The following CTNND2 variants were observed in gnomAD, a reference collection of about 807,000 sequenced individuals.
CTNND2 encodes the protein catenin delta-2.
CTNND2 carries 22 observed loss-of-function variants against 144.4 expected under a neutral mutation model. The ratio of observed to expected loss-of-function variants is 0.15; its 90% confidence interval spans 0.11 to 0.22. The LOEUF (loss-of-function observed/expected upper bound fraction) is 0.22, where lower values mean the gene tolerates loss of function less well. Ranked by LOEUF, CTNND2 falls within the 10% of genes least tolerant of loss-of-function variation. The pLI, the probability that CTNND2 is intolerant of heterozygous loss-of-function variation, is 1.00. For missense variants in CTNND2, 1,353 were observed against 1,618.8 expected (o/e 0.84, Z 2.82); for synonymous variants, 751 against 695.6 (o/e 1.08, Z -1.25).
intron 3 of CTNND2, among the ~76,000 whole-genome samples, chr5:11,539,786 C>G (rs564290195): frequency 6.6e-6 from 1 of 152,300 alleles, no homozygotes; most frequent in East Asian, 1.9e-4. Flanking sequence ...GTAATCCCAG[C>G]ACTTTGGGAG....
Position 11,190,228 on chromosome 5 carries a change from G to A in CTNND2, c.1975+9220C>T, listed in dbSNP as rs576659561. Among the ~76,000 whole-genome samples, 4 of 152,306 alleles carry A rather than the reference G, an allele frequency of 2.6e-5. No homozygotes were observed. In the East Asian group the frequency reaches 5.8e-4, roughly 22 times the overall value. The stretch of plus-strand genomic sequence containing the variant: ...CTTACTGCGAATGGAGCACAATTAT[G>A]TAACACTGGACTCTCCCAGCCCCTC... On this transcript the variant is annotated intron_variant, in intron 11 of 21. Transcript: ENST00000304623.
chr5:11,600,705 CAAAAAA>C (rs755277116), intron 2 of CTNND2, among the ~76,000 whole-genome samples: 4 of 80,606 alleles, frequency 5.0e-5, no homozygotes, highest in Non-Finnish European at 9.4e-5. Flanking sequence ...GATTCTGTCT[CAAAAAA>C]AAAAAAAAAA....
intron 1 of CTNND2, among the ~76,000 whole-genome samples, chr5:11,896,057 C>A (rs1401797128): frequency 6.6e-6 from 1 of 152,026 alleles, no homozygotes; most frequent in Non-Finnish European, 1.5e-5. Context: ...TATCAACAAC[C>A]TTGAAAACAT....
At position 11,516,947 on chromosome 5, in the gene CTNND2, C is replaced by A. The variant is rs369110329; in HGVS notation, c.287+47997G>T. 3.3e-5 allele frequency among the ~76,000 whole-genome samples: 5 copies of A among 152,154 alleles called. No individual in the cohort carries two copies. In the East Asian group the frequency reaches 9.6e-4, roughly 29 times the overall value. On this transcript the variant is annotated intron_variant, in intron 3 of 21. Coordinates refer to ENST00000304623, the MANE Select transcript of CTNND2 (RefSeq NM_001332.4). ...AAATTTGTAGTTGTTTATGTAGTTA[C>A]TACCATATGTTTATGTAGTTACTAC...
intron 1 of CTNND2, among the ~76,000 whole-genome samples, chr5:11,826,838 A>T (rs1344703353): frequency 2.0e-5 from 3 of 152,054 alleles, no homozygotes; most frequent in African/African-American, 7.2e-5. Context: ...AAAAATGTAT[A>T]TAATTCAAAG....
chr5:11,461,996 C>T (rs1766264843), intron 3 of CTNND2, among the ~76,000 whole-genome samples: 1 of 151,900 alleles, frequency 6.6e-6, no homozygotes, highest in Admixed American at 6.6e-5. Context: ...TGACAAAATA[C>T]CATCGAGGAG....
At chr5:11,318,853 C>G (rs1236321187) in intron 9 of CTNND2, among the ~76,000 whole-genome samples, 1 of 152,020 alleles carries the variant, frequency 6.6e-6, no homozygotes, top group Non-Finnish European at 1.5e-5. Context: ...ACACATGCAA[C>G]CACTCTAGGT....
chr5:11,235,788 G>C (rs1741565646), intron 10 of CTNND2, among the ~76,000 whole-genome samples: 1 of 152,152 alleles, frequency 6.6e-6, no homozygotes, highest in Non-Finnish European at 1.5e-5. Context: ...CAGGGGAAGA[G>C]AGATGGAAAA....
At chr5:11,415,174 C>T (rs1224323213) in intron 3 of CTNND2, among the ~76,000 whole-genome samples, 1 of 152,178 alleles carries the variant, frequency 6.6e-6, no homozygotes, top group Non-Finnish European at 1.5e-5. Context: ...CCGCTTTCTA[C>T]AATGGTTGCA....
chr5:11,484,438 T>C (rs1301512693), intron 3 of CTNND2, among the ~76,000 whole-genome samples: 1 of 152,206 alleles, frequency 6.6e-6, no homozygotes, highest in Non-Finnish European at 1.5e-5. Context: ...GAAAGGGTCA[T>C]TCTGTCACAT....
At chr5:11,118,943 A>G (rs1392406685) in intron 12 of CTNND2, among the ~76,000 whole-genome samples, 1 of 152,136 alleles carries the variant, frequency 6.6e-6, no homozygotes, top group Non-Finnish European at 1.5e-5. Context: ...TGAGGAATCA[A>G]TCTATTTGCA....
At chr5:11,566,917 C>T (rs1210889081) in intron 2 of CTNND2, among the ~76,000 whole-genome samples, 2 of 151,958 alleles carry the variant, frequency 1.3e-5, no homozygotes, top group South Asian at 2.1e-4. Context: ...TTGCATCTGG[C>T]TTTATTTTCC....
intron 3 of CTNND2, among the ~76,000 whole-genome samples, chr5:11,426,659 G>A (rs1227230927): frequency 6.6e-6 from 1 of 152,190 alleles, no homozygotes; most frequent in Non-Finnish European, 1.5e-5. Context: ...GTTTATGACT[G>A]AGTAAGCAGG....
intron 9 of CTNND2, among the ~76,000 whole-genome samples, chr5:11,280,122 T>G (rs1422865305): frequency 1.3e-5 from 2 of 152,132 alleles, no homozygotes; most frequent in African/African-American, 4.8e-5. Flanking sequence ...GGTCTTAAAT[T>G]GTGTAATTTG....
At chr5:11,265,958 C>A (rs916198445) in intron 9 of CTNND2, among the ~76,000 whole-genome samples, 4 of 152,058 alleles carry the variant, frequency 2.6e-5, no homozygotes, top group South Asian at 2.1e-4. Context: ...GATCTGCCCA[C>A]CTCAGCCTCC....
At chr5:11,171,801 C>A (rs940491002) in intron 11 of CTNND2, among the ~76,000 whole-genome samples, 1 of 152,038 alleles carries the variant, frequency 6.6e-6, no homozygotes, top group Non-Finnish European at 1.5e-5. Flanking sequence ...TCTTCACTGG[C>A]CCCTGAAGAA....
At chr5:11,299,398 C>A (rs1182935447) in intron 9 of CTNND2, among the ~76,000 whole-genome samples, 7 of 152,048 alleles carry the variant, frequency 4.6e-5, no homozygotes, top group African/African-American at 1.7e-4. Flanking sequence ...AGAGTCTCAC[C>A]CAAGGTTACA....
At chr5:11,706,285 C>T (rs1785688976) in intron 2 of CTNND2, among the ~76,000 whole-genome samples, 1 of 152,082 alleles carries the variant, frequency 6.6e-6, no homozygotes, top group Admixed American at 6.6e-5. Flanking sequence ...CTTTTTTAGG[C>T]CAAAGACAAA....
At chr5:11,574,173 A>C (rs1400361948) in intron 2 of CTNND2, among the ~76,000 whole-genome samples, 1 of 152,098 alleles carries the variant, frequency 6.6e-6, no homozygotes, top group East Asian at 1.9e-4. Context: ...TATTATGCTC[A>C]TATCTGCTTG....
Sources: gnomAD v4.1 joint callset for allele counts (sites outside exome capture counted in the v4.1 genomes callset) on GRCh38, gnomAD v4.1.1 for gene constraint, MANE v1.5 for transcripts, NCBI Gene and HGNC (gene_info 2026-07-23, HGNC 2026-07-21) for gene names.